GAB1: variants seen among roughly 807,000 people sequenced by gnomAD.
GAB1 encodes GRB2 associated binding protein 1, also known as GRB2-associated-binding protein 1.
A neutral mutation model predicts 66.5 loss-of-function variants in GAB1; 19 were observed. The ratio of observed to expected loss-of-function variants is 0.29; its 90% CI spans 0.20 to 0.42. The LOEUF is 0.42. GAB1 is among the 10% of genes least tolerant of loss of function. GAB1 has a pLI of 1.00. For synonymous variants in GAB1, 294 were observed against 301.4 expected, an observed-to-expected ratio of 0.98 and a Z score of 0.25; for missense variants, 732 against 858.5, an observed-to-expected ratio of 0.85 and a Z score of 1.84.
intron 6 of GAB1, among the ~76,000 whole-genome samples, chr4:143,441,999 T>C (rs908479958): frequency 6.6e-6 from 1 of 150,440 alleles, no homozygotes; most frequent in African/African-American, 2.5e-5. Context: ...TCAGAAAGGA[T>C]GTGAGCATCA....
intron 1 of GAB1, among the ~76,000 whole-genome samples, chr4:143,364,366 T>A (rs1347030200): frequency 6.6e-6 from 1 of 152,212 alleles, no homozygotes; most frequent in Non-Finnish European, 1.5e-5. Flanking sequence ...AATGTCACCT[T>A]AAAGCATCAT....
intron 6 of GAB1, among the ~76,000 whole-genome samples, chr4:143,446,252 A>T (rs1734521927): frequency 6.6e-6 from 1 of 152,174 alleles, no homozygotes; most frequent in South Asian, 2.1e-4. Context: ...TGCAATAAAC[A>T]TACGTGTGCA....
chr4:143,393,984 TAGTC>T (rs1731311963), intron 1 of GAB1, among the ~76,000 whole-genome samples: 1 of 152,002 alleles, frequency 6.6e-6, no homozygotes, highest in South Asian at 2.1e-4. Flanking sequence ...ATGAGAAAGG[TAGTC>T]AGCAGCTGGG....
intron 2 of GAB1, chr4:143,417,356 G>A: frequency 2.6e-6 from 1 of 388,428 alleles, no homozygotes; most frequent in South Asian, 2.0e-5. Context: ...TGACTAGAGG[G>A]CTCAAGAATT....
At chr4:143,395,090 T>TA (rs768678477) in intron 1 of GAB1, 8 of 152,226 alleles carry the variant, frequency 5.3e-5, no homozygotes, top group Non-Finnish European at 1.2e-4. Flanking sequence ...GTTTACTACT[T>TA]AAACGCATGA....
At chr4:143,405,042 C>T (rs1392856151) in intron 1 of GAB1, among the ~76,000 whole-genome samples, 6 of 152,018 alleles carry the variant, frequency 3.9e-5, no homozygotes, top group Admixed American at 3.9e-4. Flanking sequence ...ACTGCATAAA[C>T]AATATTTATT....
At chr4:143,457,592 T>C in intron 6 of GAB1, 1 of 623,994 alleles carries the variant, frequency 1.6e-6, no homozygotes, top group East Asian at 3.3e-5. Context: ...CAGGGCTCTG[T>C]TGCTTTTTTT....
At chr4:143,411,783 G>GC (rs1167711586) in intron 1 of GAB1, among the ~76,000 whole-genome samples, 1 of 152,150 alleles carries the variant, frequency 6.6e-6, no homozygotes, top group Non-Finnish European at 1.5e-5. Context: ...GCTAAATTGT[G>GC]CTTTGTACCA....
At chr4:143,425,974 C>G (rs1422381438) in intron 2 of GAB1, 5 of 715,386 alleles carry the variant, frequency 7.0e-6, no homozygotes, top group South Asian at 5.0e-5. Context: ...AAATAAACAT[C>G]AGTATCTAAA....
chr4:143,357,935 T>C (rs907286731), intron 1 of GAB1, among the ~76,000 whole-genome samples: 5 of 152,024 alleles, frequency 3.3e-5, no homozygotes, highest in Non-Finnish European at 7.4e-5. Context: ...TTTTTATACA[T>C]GTTTTGTAAA....
intron 1 of GAB1, among the ~76,000 whole-genome samples, chr4:143,368,441 G>T (rs1343388470): frequency 2.0e-5 from 3 of 152,136 alleles, no homozygotes; most frequent in Non-Finnish European, 4.4e-5. Flanking sequence ...TTGAAAACTT[G>T]TTGGAGTAGG....
chr4:143,433,464 C>T (rs1431179327), intron 2 of GAB1, 27 bp from the exon 3 acceptor site: 19 of 1,536,894 alleles, frequency 1.2e-5, no homozygotes, highest in Non-Finnish European at 1.4e-5. Context: ...CTGTGATAGA[C>T]GTGATAGTTA....
At chr4:143,434,776 C>G (rs1462880626) in intron 3 of GAB1, among the ~76,000 whole-genome samples, 2 of 152,188 alleles carry the variant, frequency 1.3e-5, no homozygotes, top group Non-Finnish European at 2.9e-5. Context: ...CCCCACACCC[C>G]TTTCCTCTTC....
At chr4:143,394,814 C>T (rs1260675980) in intron 1 of GAB1, 1 of 152,060 alleles carries the variant, frequency 6.6e-6, no homozygotes, top group Non-Finnish European at 1.5e-5. Flanking sequence ...CTTTTGTACT[C>T]AGGTTGTTTA....
chr4:143,450,901 A>C (rs1045153599), intron 6 of GAB1, among the ~76,000 whole-genome samples: 1 of 152,090 alleles, frequency 6.6e-6, no homozygotes, highest in Non-Finnish European at 1.5e-5. Context: ...AAAAAAAAAA[A>C]ACAAAAAATG....
At chr4:143,403,246 T>C (rs1731866445) in intron 1 of GAB1, among the ~76,000 whole-genome samples, 1 of 152,186 alleles carries the variant, frequency 6.6e-6, no homozygotes, top group South Asian at 2.1e-4. Context: ...CTGGCAGAAG[T>C]AGCTAGTTAT....
At chr4:143,365,859 T>C (rs1382856879) in intron 1 of GAB1, among the ~76,000 whole-genome samples, 3 of 152,254 alleles carry the variant, frequency 2.0e-5, no homozygotes, top group Non-Finnish European at 4.4e-5. Flanking sequence ...GGACTACCAT[T>C]ACATGTTCTC....
At chr4:143,398,889 A>G (rs972913084) in intron 1 of GAB1, among the ~76,000 whole-genome samples, 1 of 152,100 alleles carries the variant, frequency 6.6e-6, no homozygotes, top group Non-Finnish European at 1.5e-5. Flanking sequence ...AGGAAACCTC[A>G]TCTTTACAAG....
intron 2 of GAB1, among the ~76,000 whole-genome samples, chr4:143,419,650 C>T (rs1333231664): frequency 2.0e-5 from 3 of 152,100 alleles, no homozygotes; most frequent in Non-Finnish European, 4.4e-5. Flanking sequence ...TATCTAAGGA[C>T]TTTAATCTGC....
Sources: allele counts gnomAD v4.1 joint callset (sites outside exome capture counted in the v4.1 genomes callset), GRCh38; gene constraint gnomAD v4.1.1; transcripts MANE v1.5; gene names NCBI Gene and HGNC (gene_info 2026-07-23, HGNC 2026-07-21).